The following DNER variants were observed in gnomAD, a reference collection of about 807,000 sequenced individuals.
The protein encoded by DNER is delta and Notch-like epidermal growth factor-related receptor.
In DNER, 33 loss-of-function variants were observed where a neutral mutation model predicts 78.2. That is an observed-to-expected ratio of 0.42 (90% confidence interval 0.32 to 0.56). The LOEUF is 0.56. DNER is among the 20% of genes least tolerant of loss of function. The pLI is 0.11. For missense variants in DNER, 918 were observed against 975.3 expected (o/e 0.94, Z 0.78); for synonymous variants, 417 against 384.8 (o/e 1.08, Z -0.98).
intron 9 of DNER, among the ~76,000 whole-genome samples, chr2:229,408,102 A>G (rs1473236928): frequency 1.3e-5 from 2 of 152,048 alleles, no homozygotes; most frequent in Admixed American, 6.6e-5. Context: ...AAGAAGAGGC[A>G]TTTTTTAAAA....
At chr2:229,372,401 C>T (rs183375869) in intron 11 of DNER, among the ~76,000 whole-genome samples, 18 of 152,236 alleles carry the variant, frequency 1.2e-4, no homozygotes, top group Middle Eastern at 3.4e-3. Flanking sequence ...TAACCAGGGA[C>T]GGGCAAGAGC....
intron 3 of DNER, chr2:229,587,025 C>G: frequency 1.0e-6 from 1 of 982,250 alleles, no homozygotes; most frequent in Non-Finnish European, 1.2e-6. Context: ...TCTGCTAATT[C>G]GGTCCCGTTC....
At chr2:229,562,355 C>T (rs2154213642) in intron 4 of DNER, among the ~76,000 whole-genome samples, 1 of 152,210 alleles carries the variant, frequency 6.6e-6, no homozygotes, top group East Asian at 1.9e-4. Context: ...CAAGGTGGCT[C>T]GCTTTATATT....
At chr2:229,371,153 A>C (rs769690338) in intron 11 of DNER, among the ~76,000 whole-genome samples, 5 of 152,236 alleles carry the variant, frequency 3.3e-5, no homozygotes, top group Non-Finnish European at 7.3e-5. Context: ...CTTTTTTGAT[A>C]CAAATGACTG....
At chr2:229,445,298 A>C (rs1360675671) in intron 8 of DNER, among the ~76,000 whole-genome samples, 3 of 152,180 alleles carry the variant, frequency 2.0e-5, no homozygotes, top group Non-Finnish European at 4.4e-5. Context: ...GGACCCTCTG[A>C]GGGGCAGCTA....
At chr2:229,552,591 C>A (rs1485214035) in intron 4 of DNER, among the ~76,000 whole-genome samples, 3 of 152,164 alleles carry the variant, frequency 2.0e-5, no homozygotes, top group Non-Finnish European at 4.4e-5. Flanking sequence ...TTTTTCTCAG[C>A]ACTTCTACTT....
intron 10 of DNER, among the ~76,000 whole-genome samples, chr2:229,405,101 A>G (rs1693352479): frequency 3.9e-5 from 6 of 152,224 alleles, no homozygotes; most frequent in Admixed American, 3.9e-4. Flanking sequence ...CTCATAAAAA[A>G]TCAGACAAAG....
chr2:229,466,486 T>G (rs1048189959), intron 7 of DNER, among the ~76,000 whole-genome samples: 4 of 152,140 alleles, frequency 2.6e-5, no homozygotes, highest in Middle Eastern at 3.2e-3. Flanking sequence ...GCCCTCAGTG[T>G]AGGTGAGTGG....
At chr2:229,687,849 G>A (rs1699511914) in intron 1 of DNER, among the ~76,000 whole-genome samples, 1 of 152,122 alleles carries the variant, frequency 6.6e-6, no homozygotes, top group Non-Finnish European at 1.5e-5. Flanking sequence ...CACTGCTTTG[G>A]GTCATACTGA....
intron 11 of DNER, among the ~76,000 whole-genome samples, chr2:229,379,556 CTG>C (rs1378605717): frequency 6.6e-6 from 1 of 152,100 alleles, no homozygotes; most frequent in Non-Finnish European, 1.5e-5. Flanking sequence ...TGATGATATC[CTG>C]TGTGTTCCTG....
intron 5 of DNER, 106 bp downstream of exon 5, chr2:229,546,841 A>C (rs1696637869): frequency 6.8e-7 from 1 of 1,473,186 alleles, no homozygotes; most frequent in African/African-American, 1.4e-5. Context: ...AGATAGATAG[A>C]TAGAGCAAGG....
At chr2:229,555,861 C>A (rs1169845444) in intron 4 of DNER, among the ~76,000 whole-genome samples, 1 of 151,952 alleles carries the variant, frequency 6.6e-6, no homozygotes, top group African/African-American at 2.4e-5. Context: ...TGTTGGGATG[C>A]TACCAGTTCT....
At chr2:229,475,370 C>T (rs1695010556) in intron 7 of DNER, among the ~76,000 whole-genome samples, 1 of 152,198 alleles carries the variant, frequency 6.6e-6, no homozygotes, top group South Asian at 2.1e-4. Flanking sequence ...CATGATTCTT[C>T]TCATCCTCTT....
chr2:229,525,194 C>T (rs1481919343), intron 5 of DNER, among the ~76,000 whole-genome samples: 1 of 152,354 alleles, frequency 6.6e-6, no homozygotes. Context: ...GCATGTATAA[C>T]TTTAACCCAG....
At chr2:229,676,644 T>C (rs1045792895) in intron 1 of DNER, among the ~76,000 whole-genome samples, 1 of 152,152 alleles carries the variant, frequency 6.6e-6, no homozygotes, top group Admixed American at 6.5e-5. Flanking sequence ...AGCAGCACAA[T>C]TAGATGGGAG....
chr2:229,366,430 T>C (rs1325094214), intron 12 of DNER, among the ~76,000 whole-genome samples: 1 of 152,194 alleles, frequency 6.6e-6, no homozygotes, highest in African/African-American at 2.4e-5. Context: ...AAAAGGATAC[T>C]GATTTATAAA....
At chr2:229,476,686 G>T (rs780441121) in intron 7 of DNER, among the ~76,000 whole-genome samples, 7 of 152,094 alleles carry the variant, frequency 4.6e-5, no homozygotes, top group Non-Finnish European at 1.0e-4. Flanking sequence ...AACTATGCCA[G>T]CAGTAAAACT....
At chr2:229,397,467 A>AAAAAAAAAAAAAAC (rs1402878637) in intron 10 of DNER, among the ~76,000 whole-genome samples, 5 of 150,262 alleles carry the variant, frequency 3.3e-5, no homozygotes, top group Non-Finnish European at 7.4e-5. Flanking sequence ...ACACTACAAA[A>AAAAAAAAAAAAAAC]AAAAAAAAAA....
intron 1 of DNER, among the ~76,000 whole-genome samples, chr2:229,622,493 T>TC (rs145742902): frequency 0.021 from 3,234 of 152,328 alleles, 44 homozygotes; most frequent in Middle Eastern, 0.034. Flanking sequence ...GTCTTTGAAC[T>TC]TGATCCCCCC....
Sources: allele counts gnomAD v4.1 joint callset (sites outside exome capture counted in the v4.1 genomes callset), GRCh38; gene constraint gnomAD v4.1.1; transcripts MANE v1.5; gene names NCBI Gene and HGNC (gene_info 2026-07-23, HGNC 2026-07-21).